Variants in ITPR3 observed in about 807,000 individuals in gnomAD.
ITPR3 encodes the protein inositol 1,4,5-trisphosphate-gated calcium channel ITPR3.
A neutral mutation model predicts 293.2 loss-of-function variants in ITPR3; 173 were observed. The observed-to-expected ratio is 0.59, with a 90% confidence interval of 0.52 to 0.67. ITPR3 has a LOEUF of 0.67. ITPR3 is among the 30% of genes least tolerant of loss of function. The probability of loss-of-function intolerance (pLI) is 0.00; values close to 1 mark genes in which losing one functional copy is unlikely to be tolerated. For missense variants in ITPR3, 2,796 were observed against 3,592.1 expected, an observed-to-expected ratio of 0.78 and a Z score of 5.66; for synonymous variants, 1,295 against 1,444.4, an observed-to-expected ratio of 0.90 and a Z score of 2.35.
intron 2 of ITPR3, among the ~76,000 whole-genome samples, chr6:33,644,935 A>T (rs996590588): frequency 1.3e-5 from 2 of 149,700 alleles, no homozygotes; most frequent in Non-Finnish European, 3.0e-5. Context: ...AAGTGTTGGG[A>T]TTACAGGTAT....
At chr6:33,656,065 A>G (rs1764299206) in intron 3 of ITPR3, among the ~76,000 whole-genome samples, 178 bp downstream of exon 3, 1 of 152,180 alleles carries the variant, frequency 6.6e-6, no homozygotes, top group Non-Finnish European at 1.5e-5. Flanking sequence ...AGGCCAAGGC[A>G]GGAGGATTGC....
In ITPR3 at chr6:33,691,943, C is replaced by G; in HGVS notation, c.7458+15C>G. 1 of 1,613,538 alleles carries G rather than the reference C, an allele frequency of 6.2e-7. No individual in the cohort carries two copies. Among genetic ancestry groups the G allele is most frequent in the Non-Finnish European group, 8.5e-7 (1 of 1,180,000 alleles). On this transcript the variant is annotated intron_variant, in intron 54 of 57. Transcript: ENST00000605930. The surrounding 1 kb of genome is among the most constrained non-coding windows in gnomAD (Gnocchi z 4.9). ...CCTCCAAAGATGTGAGCACTCCTGC[C>G]CACTCCCAAACCTGTGGGGCCCAAG...
At position 33,665,941 on chromosome 6, in the gene ITPR3, C is replaced by T; in HGVS notation, c.1516C>T (p.Gln506Ter). The change falls in exon 14 of 58, where the codon CAG (glutamine) becomes TAG (stop). Residue 506 changes from glutamine (Q) to a stop codon, truncating the protein, a stop_gained. Coordinates refer to ENST00000605930, the MANE Select transcript of ITPR3 (RefSeq NM_002224.4). LOFTEE classifies it high-confidence loss of function. Reference protein sequence around the residue: ...IMVTKPNRERQKLMREQNILK... With the variant: ...IMVTKPNRER ...GGTCACTAAGCCCAACCGGGAACGG[C>T]AGAAGCTGATGAGGGAGCAGAACAT... The T allele has an allele frequency of 6.2e-7, 1 of 1,613,726 alleles. No homozygotes were observed. Among genetic ancestry groups the T allele is most frequent in the Non-Finnish European group, 8.5e-7 (1 of 1,179,796 alleles).
intron 22 of ITPR3, 119 bp from the exon 23 acceptor site, chr6:33,673,472 C>T: frequency 1.5e-6 from 2 of 1,313,836 alleles, no homozygotes; most frequent in Non-Finnish European, 2.1e-6. Context: ...CCTGCTGCCC[C>T]AAGTGCTAGA....
At chr6:33,695,572 C>G (rs532474514) in intron 57 of ITPR3, 140 bp from the exon 58 acceptor site, 18 of 759,504 alleles carry the variant, frequency 2.4e-5, no homozygotes, top group Non-Finnish European at 3.6e-5. Context: ...TAAAGCACCC[C>G]GAGGGGCCCT....
intron 1 of ITPR3, among the ~76,000 whole-genome samples, chr6:33,634,357 A>G (rs1311140821): frequency 1.3e-5 from 2 of 152,284 alleles, no homozygotes; most frequent in South Asian, 2.1e-4. Context: ...TAGCATTCCC[A>G]GATGATGCCT....
chr6:33,678,691 G>C lies in ITPR3; in HGVS notation c.3824G>C (p.Cys1275Ser). ...ATCTTCCTGAACAACTATCAGCTCTGCTCCGAGATCAGCGAGCCTGTGTTG... is the reference window on the plus strand; with the variant it reads ...ATCTTCCTGAACAACTATCAGCTCTCCTCCGAGATCAGCGAGCCTGTGTTG... The part of the protein sequence containing the change: ...QHIFLNNYQL[C>S]SEISEPVLQH... The change falls in exon 30 of 58, where the codon TGC becomes TCC. Residue 1275 changes from cysteine (C) to serine (S), a missense_variant. Around this residue, in one of 8 missense-constraint regions of ITPR3, gnomAD observed 344 missense variants for 460.3 expected, o/e 0.75. Coordinates refer to ENST00000605930, the MANE Select transcript of ITPR3 (RefSeq NM_002224.4). 6.2e-7 allele frequency: 1 copy of C among 1,613,196 alleles called. No individual in the cohort carries two copies.
rs1765101519 is a variant in ITPR3 at position 33,682,430 on chromosome 6, C to G, written c.4477-94C>G. 1 of 1,395,302 alleles carries G rather than the reference C, an allele frequency of 7.2e-7. No homozygotes were observed. Among genetic ancestry groups the G allele is most frequent in the Non-Finnish European group, 9.5e-7 (1 of 1,054,572 alleles). The allele number at this position is 1,395,302 out of a possible 1,614,324, so 86.4% of individuals were successfully genotyped here. A position where few individuals can be genotyped will look rare whatever the true frequency, so the allele number is the denominator to read the frequency against. On this transcript the variant is annotated intron_variant, in intron 33 of 57. Coordinates refer to ENST00000605930, the MANE Select transcript of ITPR3 (RefSeq NM_002224.4). This position sits in a 1 kb window ranked among gnomAD's most constrained non-coding sequence, Gnocchi z 5.4. The stretch of plus-strand genomic sequence containing the variant: ...GCTAGTGAAGGCTCCGTCTCTCCAC[C>G]CATGCCCATTCTGATTGGGCCCTGG...
intron 2 of ITPR3, among the ~76,000 whole-genome samples, chr6:33,653,363 C>T (rs1188973540): frequency 2.0e-5 from 3 of 151,450 alleles, no homozygotes; most frequent in African/African-American, 7.3e-5. Flanking sequence ...GATCCTCCTG[C>T]CTCGGCTTCC....
rs369824854 is a variant in ITPR3 at position 33,663,759 on chromosome 6, C to A, written c.1027C>A (p.Arg343Ser). Reference sequence around the variant, plus strand: ...CCAGGGGGCACAGGGCCGCACAGGCCGCAGGAATGCTGGGGAGAAGATCAA... The same window carrying A: ...CCAGGGGGCACAGGGCCGCACAGGCAGCAGGAATGCTGGGGAGAAGATCAA... ...AGMGAQGRTG[R>S]RNAGEKIKYC... The change falls in exon 11 of 58, where the codon CGC (arginine) becomes AGC (serine). Residue 343 changes from arginine (R) to serine (S), a missense_variant. By Grantham distance (110) the Arg-to-Ser change is moderately radical. This residue lies in a region of ITPR3 where 955 missense variants were observed against 1,180.8 expected (regional missense o/e 0.81). Transcript: ENST00000605930. 1.1e-5 allele frequency: 18 copies of A among 1,614,000 alleles called. No homozygotes were observed. Among genetic ancestry groups the A allele is most frequent in the Non-Finnish European group, 1.4e-5 (17 of 1,179,992 alleles).
Position 33,684,996 on chromosome 6 carries a change from G to A in ITPR3, c.5307+53G>A, listed in dbSNP as rs1765186496. ...CCCTCCTTTGCCTCCCTCCCTTTTT[G>A]GAGGAGGTGGGCCTTGAGTTGGGCA... is the stretch of plus-strand genomic sequence containing the variant. On this transcript the variant is annotated intron_variant, in intron 39 of 57. Coordinates refer to ENST00000605930, the MANE Select transcript of ITPR3 (RefSeq NM_002224.4). The surrounding 1 kb of genome is among the most constrained non-coding windows in gnomAD (Gnocchi z 4.2). The A allele has an allele frequency of 2.6e-6, 4 of 1,557,326 alleles. No individual in the cohort carries two copies. The East Asian group carries it at 6.8e-5, about 26-fold the overall frequency.
chr6:33,665,125 G>C lies in ITPR3; in HGVS notation c.1321G>C (p.Asp441His), dbSNP rs774566228. Residue 441 changes from aspartate (D) to histidine (H), a missense_variant, in exon 13 of 58, where the codon GAC becomes CAC. Transcript: ENST00000605930. ...IVSVPVSEIR[D>H]LDFANDASSM... ...GTCAGTGCCCGTGTCTGAGATCCGA[G>C]ACCTGGACTTTGCCAATGACGCCAG... 32 of 1,614,078 alleles carry C rather than the reference G, an allele frequency of 2.0e-5. No individual in the cohort carries two copies. The highest frequency in any genetic ancestry group is 2.7e-5 in the Non-Finnish European group (32 of 1,180,052).
chr6:33,690,979 T>C lies in ITPR3; in HGVS notation c.7095T>C (p.Asn2365=), dbSNP rs1765371603. ...LFNVIKSVTR[N]GRSILLTALL... The stretch of plus-strand genomic sequence containing the variant: ...ACGTCATCAAGAGTGTGACCCGCAA[T>C]GGCCGCTCCATCCTGCTGACAGCCC... The change falls in exon 52 of 58, where the codon AAT becomes AAC. Residue 2365 remains asparagine, a synonymous_variant. Coordinates refer to ENST00000605930, the MANE Select transcript of ITPR3 (RefSeq NM_002224.4). The C allele has an allele frequency of 1.9e-6, 3 of 1,614,176 alleles. No individual in the cohort carries two copies. Among genetic ancestry groups the C allele is most frequent in the East Asian group, 2.2e-5 (1 of 44,884 alleles).
intron 2 of ITPR3, among the ~76,000 whole-genome samples, chr6:33,651,362 C>T (rs1165480509): frequency 6.6e-6 from 1 of 152,012 alleles, no homozygotes; most frequent in Non-Finnish European, 1.5e-5. Context: ...TTCCTTCTGC[C>T]AGACTCCTGA....
chr6:33,634,216 T>C (rs1763762367), intron 1 of ITPR3, among the ~76,000 whole-genome samples: 1 of 149,884 alleles, frequency 6.7e-6, no homozygotes, highest in Non-Finnish European at 1.5e-5. Flanking sequence ...TGCAAACATC[T>C]GCCCAGGGCC....
chr6:33,677,744 A>T, intron 28 of ITPR3, 115 bp downstream of exon 28: 1 of 1,264,956 alleles, frequency 7.9e-7, no homozygotes, highest in Non-Finnish European at 1.1e-6. Context: ...CTGGCCTCTT[A>T]CACTGCCCTG....
intron 1 of ITPR3, among the ~76,000 whole-genome samples, chr6:33,628,852 G>C (rs957712132): frequency 6.6e-6 from 1 of 152,122 alleles, no homozygotes; most frequent in African/African-American, 2.4e-5. Context: ...TCTCCCCATC[G>C]CTCAGCCAGC....
chr6:33,685,070 A>C, intron 39 of ITPR3, 127 bp downstream of exon 39: 14 of 1,101,014 alleles, frequency 1.3e-5, no homozygotes, highest in Non-Finnish European at 1.8e-5. Context: ...GCAGTGGCTG[A>C]GAGGTGAGAA....
rs976971998 is a variant in ITPR3, at chr6:33,655,312, T to G, written c.161-454T>G. Among the ~76,000 whole-genome samples, 11 of 152,164 alleles carry G rather than the reference T, an allele frequency of 7.2e-5. No homozygotes were observed. Among genetic ancestry groups the G allele is most frequent in the Non-Finnish European group, 1.3e-4 (9 of 68,034 alleles). On this transcript the variant is annotated intron_variant, in intron 2 of 57. Coordinates refer to ENST00000605930, the MANE Select transcript of ITPR3 (RefSeq NM_002224.4). This position sits in a 1 kb window ranked among gnomAD's most constrained non-coding sequence, Gnocchi z 4.9. ...CTGGGCTGTTCTATGCCTGTGTCAG[T>G]CACTGGATAGGGGCTGCCCCTGGGA...
Sources: allele counts gnomAD v4.1 joint callset (sites outside exome capture counted in the v4.1 genomes callset), GRCh38; gene constraint gnomAD v4.1.1; regional missense constraint gnomAD v4.1.1; non-coding constraint Gnocchi (gnomAD v3.1); transcripts MANE v1.5; gene names NCBI Gene and HGNC (gene_info 2026-07-23, HGNC 2026-07-21).